SOX5: variants seen among roughly 807,000 people sequenced by gnomAD.
SOX5 encodes transcription factor SOX-5.
SOX5 carries 9 observed loss-of-function variants against 92.0 expected under a neutral mutation model. The observed-to-expected ratio is 0.10, with a 90% CI of 0.06 to 0.17. The LOEUF is 0.17. SOX5 is among the 10% of genes least tolerant of loss of function. The pLI is 1.00. For missense variants in SOX5, 642 were observed against 944.5 expected (o/e 0.68, Z 4.20); for synonymous variants, 344 against 336.3 (o/e 1.02, Z -0.25).
chr12:23,779,012 G>A (rs1309978466), intron 3 of SOX5, among the ~76,000 whole-genome samples: 1 of 152,202 alleles, frequency 6.6e-6, no homozygotes, highest in Non-Finnish European at 1.5e-5. Flanking sequence ...TGGAAAGGCA[G>A]ATCACTGTAG....
At position 24,347,619 on chromosome 12, in the gene SOX5, A is replaced by T. The variant is rs192848439; in HGVS notation, c.-174+20944T>A. 4.8e-3 allele frequency among the ~76,000 whole-genome samples: 731 copies of T among 152,340 alleles called. 16 individuals carry two copies. The highest frequency in any genetic ancestry group is 0.025 in the Admixed American group (384 of 15,294). On this transcript the variant is annotated intron_variant, in intron 2 of 4. Transcript: ENST00000446891. ...GGAAATAAATGTGTAAGGGGATTTA[A>T]CGATAAAATATGTTTGAATTTAAGC...
At chr12:24,063,384 C>T (rs1006823997) in intron 4 of SOX5, among the ~76,000 whole-genome samples, 10 of 152,238 alleles carry the variant, frequency 6.6e-5, no homozygotes, top group African/African-American at 2.2e-4. Flanking sequence ...AGAATAAATA[C>T]ACTTCAGTAA....
At chr12:24,029,567 G>A (rs909800020) in intron 4 of SOX5, among the ~76,000 whole-genome samples, 4 of 145,876 alleles carry the variant, frequency 2.7e-5, no homozygotes, top group African/African-American at 9.8e-5. Flanking sequence ...AAACCACTGA[G>A]CCCAGCCCAT....
chr12:24,309,806 C>G (rs555429), intron 2 of SOX5, among the ~76,000 whole-genome samples: 133,117 of 152,196 alleles, frequency 0.87, 58,511 homozygotes, highest in East Asian at 0.98. Context: ...ACACACATTA[C>G]ATAAAGATTT....
chr12:24,243,248 T>C (rs76115136), intron 3 of SOX5, among the ~76,000 whole-genome samples: 7,290 of 152,234 alleles, frequency 0.048, 542 homozygotes, highest in African/African-American at 0.16. Flanking sequence ...ACCAGAGACA[T>C]GGTATAACAA....
At chr12:24,458,541 T>G (rs1566215115) in intron 1 of SOX5, among the ~76,000 whole-genome samples, 1 of 152,088 alleles carries the variant, frequency 6.6e-6, no homozygotes, top group Non-Finnish European at 1.5e-5. Context: ...GACAAATCTC[T>G]GGGGGGTAGG....
At chr12:24,446,933 C>G (rs1323890739) in intron 1 of SOX5, among the ~76,000 whole-genome samples, 3 of 152,096 alleles carry the variant, frequency 2.0e-5, no homozygotes, top group Non-Finnish European at 4.4e-5. Flanking sequence ...ATGGCCAAAG[C>G]TGAAACAATT....
intron 1 of SOX5, among the ~76,000 whole-genome samples, chr12:23,947,898 A>G (rs748942729): frequency 9.2e-5 from 14 of 152,070 alleles, no homozygotes; most frequent in Non-Finnish European, 1.9e-4. Context: ...TATAAGTACA[A>G]TCTGTTAACA....
rs1313006543 is a variant in SOX5 at position 23,718,895 on chromosome 12, C to T, written c.810+15789G>A. ...AGTAAAAAGCTTAGCAAAAAGGTAC[C>T]TCTTTGCAATTTTAGATAAAATATA... On this transcript the variant is annotated intron_variant, in intron 6 of 14. Transcript: ENST00000451604. Among the ~76,000 whole-genome samples, 4 of 152,182 alleles carry T rather than the reference C, an allele frequency of 2.6e-5. No homozygotes were observed. In the East Asian group the frequency reaches 7.7e-4, roughly 29 times the overall value.
intron 4 of SOX5, among the ~76,000 whole-genome samples, chr12:24,208,985 G>A (rs566875996): frequency 6.6e-6 from 1 of 152,220 alleles, no homozygotes; most frequent in African/African-American, 2.4e-5. Context: ...GGATTGAGGA[G>A]GAGAAAAGAA....
At chr12:24,081,921 CAT>C (rs755778407) in intron 4 of SOX5, among the ~76,000 whole-genome samples, 8 of 151,938 alleles carry the variant, frequency 5.3e-5, no homozygotes, top group Non-Finnish European at 8.8e-5. Flanking sequence ...TTATGGTCAC[CAT>C]ATTTGCACAT....
At chr12:24,515,509 G>A (rs553886036) in intron 1 of SOX5, among the ~76,000 whole-genome samples, 13 of 152,174 alleles carry the variant, frequency 8.5e-5, no homozygotes, top group African/African-American at 1.7e-4. Context: ...CTACCATAGC[G>A]TTTTCTCACA....
chr12:24,204,848 A>C (rs1185482820), intron 4 of SOX5, among the ~76,000 whole-genome samples: 2 of 151,416 alleles, frequency 1.3e-5, no homozygotes, highest in African/African-American at 4.8e-5. Flanking sequence ...GCTGAGCAGC[A>C]TGTGAATGGT....
intron 4 of SOX5, among the ~76,000 whole-genome samples, chr12:24,139,866 T>C (rs1215691903): frequency 1.3e-5 from 2 of 152,168 alleles, no homozygotes; most frequent in East Asian, 3.9e-4. Context: ...ATTACCTGCC[T>C]GCCCTCTGCC....
intron 4 of SOX5, among the ~76,000 whole-genome samples, chr12:24,151,708 T>A (rs893402772): frequency 6.6e-6 from 1 of 152,154 alleles, no homozygotes; most frequent in African/African-American, 2.4e-5. Context: ...CACAATATAC[T>A]CTGCAGTTAC....
At chr12:23,676,286 T>C (rs2085676280) in intron 6 of SOX5, among the ~76,000 whole-genome samples, 1 of 152,202 alleles carries the variant, frequency 6.6e-6, no homozygotes, top group Non-Finnish European at 1.5e-5. Context: ...GCAATAATCA[T>C]TTCACTACGT....
rs1597680702 is a variant in SOX5 at position 24,532,914 on chromosome 12, C to A, written c.-251+29415G>T. 4.6e-5 allele frequency among the ~76,000 whole-genome samples: 7 copies of A among 152,310 alleles called. 1 individual carries two copies. The highest frequency in any genetic ancestry group is 4.6e-4 in the Admixed American group (7 of 15,308). On this transcript the variant is annotated intron_variant, in intron 1 of 4. Transcript: ENST00000446891. Reference sequence around the variant, plus strand: ...TAGCAGGTAACCAGAAACTACATGACTTCTAACTACTGGAAAACCACCAGT... The same window carrying A: ...TAGCAGGTAACCAGAAACTACATGAATTCTAACTACTGGAAAACCACCAGT...
chr12:24,236,464 C>A (rs2140009322), intron 3 of SOX5, among the ~76,000 whole-genome samples: 1 of 152,144 alleles, frequency 6.6e-6, no homozygotes, highest in African/African-American at 2.4e-5. Flanking sequence ...TTTTCAATTC[C>A]AGATTGTTGC....
chr12:24,148,194 T>G (rs374986602), intron 4 of SOX5, among the ~76,000 whole-genome samples: 4 of 152,036 alleles, frequency 2.6e-5, no homozygotes, highest in Admixed American at 2.6e-4. Flanking sequence ...AAAGTGTAAG[T>G]GGCATAAAAA....
Sources: allele counts gnomAD v4.1 joint callset (sites outside exome capture counted in the v4.1 genomes callset), GRCh38; gene constraint gnomAD v4.1.1; transcripts MANE v1.5; gene names NCBI Gene and HGNC (gene_info 2026-07-23, HGNC 2026-07-21).